PITPNC1: variants seen among roughly 807,000 people sequenced by gnomAD.
PITPNC1 encodes phosphatidylinositol transfer protein cytoplasmic 1, also known as cytoplasmic phosphatidylinositol transfer protein 1.
Under a neutral mutation model 44.7 loss-of-function variants are expected in PITPNC1, and 18 were observed. The observed-to-expected ratio is 0.40, with a 90% CI of 0.28 to 0.60. The LOEUF is 0.60. PITPNC1 is among the 20% of genes least tolerant of loss of function. The pLI, the probability that PITPNC1 is intolerant of heterozygous loss-of-function variation, is 0.39. For missense variants in PITPNC1, 290 were observed against 418.4 expected, an observed-to-expected ratio of 0.69 and a Z score of 2.68; for synonymous variants, 141 against 149.6, an observed-to-expected ratio of 0.94 and a Z score of 0.42.
chr17:67,552,426 A>T, intron 3 of PITPNC1, 81 bp downstream of exon 3: 2 of 811,698 alleles, frequency 2.5e-6, no homozygotes, highest in Non-Finnish European at 4.4e-6. Context: ...TTTACAGTGG[A>T]TTATCCAAGC....
chr17:67,627,387 A>C (rs1244043204), intron 5 of PITPNC1, among the ~76,000 whole-genome samples: 3 of 152,228 alleles, frequency 2.0e-5, no homozygotes, highest in African/African-American at 7.2e-5. Flanking sequence ...CAAGTAAAGG[A>C]GCTTCCTCGT....
At chr17:67,393,960 C>T (rs1330072695) in intron 1 of PITPNC1, among the ~76,000 whole-genome samples, 1 of 152,094 alleles carries the variant, frequency 6.6e-6, no homozygotes, top group East Asian at 1.9e-4. Context: ...GCCTCAGCCT[C>T]GCGAGTAGCT....
At chr17:67,484,255 G>A (rs1375727923) in intron 1 of PITPNC1, among the ~76,000 whole-genome samples, 1 of 152,104 alleles carries the variant, frequency 6.6e-6, no homozygotes, top group Non-Finnish European at 1.5e-5. Context: ...TTTCTTGCCT[G>A]TGAGATGTGC....
chr17:67,599,032 A>ATTTTTTT (rs1185599667), intron 5 of PITPNC1, among the ~76,000 whole-genome samples: 3 of 29,302 alleles, frequency 1.0e-4, no homozygotes, highest in African/African-American at 4.8e-4. Context: ...ATATATATAT[A>ATTTTTTT]TATTTTTTTT....
chr17:67,559,292 G>T (rs2040877278), intron 4 of PITPNC1, among the ~76,000 whole-genome samples: 1 of 152,046 alleles, frequency 6.6e-6, no homozygotes. Flanking sequence ...CTAGGATTGG[G>T]CTTGTTAGGA....
chr17:67,379,154 A>G, intron 1 of PITPNC1: 2 of 985,960 alleles, frequency 2.0e-6, no homozygotes, highest in Non-Finnish European at 2.4e-6. Context: ...GAGGGAGCCC[A>G]AAGCCAAGCA....
chr17:67,571,762 A>T (rs144305986), intron 4 of PITPNC1, among the ~76,000 whole-genome samples: 1 of 152,296 alleles, frequency 6.6e-6, no homozygotes, highest in Non-Finnish European at 1.5e-5. Flanking sequence ...CCAACAAAAG[A>T]ATCTCTGCTT....
chr17:67,679,155 G>A (rs1247139007), intron 8 of PITPNC1, among the ~76,000 whole-genome samples: 12 of 152,326 alleles, frequency 7.9e-5, no homozygotes, highest in East Asian at 3.9e-4. Flanking sequence ...TGTAAGGACC[G>A]TTTAATTGAT....
intron 1 of PITPNC1, among the ~76,000 whole-genome samples, chr17:67,383,790 G>T (rs547228824): frequency 6.6e-6 from 1 of 152,330 alleles, no homozygotes; most frequent in South Asian, 2.1e-4. Flanking sequence ...TGTAATCCCA[G>T]CACTTTGGGA....
At chr17:67,378,933 C>T (rs1035418596) in intron 1 of PITPNC1, 2 of 981,450 alleles carry the variant, frequency 2.0e-6, no homozygotes, top group East Asian at 1.1e-4. Context: ...CCGCGGCTGC[C>T]GGCTGGGGGC....
chr17:67,585,839 G>A (rs1239610597), intron 5 of PITPNC1, among the ~76,000 whole-genome samples: 1 of 152,188 alleles, frequency 6.6e-6, no homozygotes, highest in Non-Finnish European at 1.5e-5. Flanking sequence ...GGTGCAACAC[G>A]TGAAGACGTA....
chr17:67,644,317 C>G (rs1444796418), intron 6 of PITPNC1, among the ~76,000 whole-genome samples: 3 of 151,874 alleles, frequency 2.0e-5, no homozygotes, highest in African/African-American at 7.3e-5. Context: ...ACATTTAAGA[C>G]TTTCAAAGAA....
intron 1 of PITPNC1, among the ~76,000 whole-genome samples, chr17:67,420,392 C>T (rs1242932024): frequency 6.9e-6 from 1 of 144,684 alleles, no homozygotes; most frequent in Non-Finnish European, 1.5e-5. Context: ...CCCCTCCCTC[C>T]CTCCCTCCCT....
rs1045397912 is a variant in PITPNC1 at position 67,676,962 on chromosome 17, T to C, written c.682+1420T>C. On this transcript the variant is annotated intron_variant, in intron 8 of 8. Transcript: ENST00000581322. This position sits in a 1 kb window ranked among gnomAD's most constrained non-coding sequence, Gnocchi z 4.0. ...ACACACCCACAGAATGCCGCTCTCA[T>C]ACCGCAAAAGCACTGGCTTGCCACA... Among the ~76,000 whole-genome samples, 20 of 152,134 alleles carry C rather than the reference T, an allele frequency of 1.3e-4. No homozygotes were observed. The highest frequency in any genetic ancestry group is 1.8e-4 in the Non-Finnish European group (12 of 68,038).
At position 67,430,775 on chromosome 17, in the gene PITPNC1, G is replaced by A. The variant is rs371928015; in HGVS notation, c.48+52573G>A. Among the ~76,000 whole-genome samples the A allele has an allele frequency of 1.7e-3, 252 of 151,416 alleles. 2 individuals carry two copies. The South Asian group carries it at 0.027, about 16-fold the overall frequency. On this transcript the variant is annotated intron_variant, in intron 1 of 8. Transcript: ENST00000581322. ...TCAAGATCAGCCTGGGCAACATAGT[G>A]AGACCCTGTCTCTACCAAAAAAAAA... is the stretch of plus-strand genomic sequence containing the variant.
At chr17:67,426,877 G>C (rs1365829830) in intron 1 of PITPNC1, among the ~76,000 whole-genome samples, 1 of 151,992 alleles carries the variant, frequency 6.6e-6, no homozygotes, top group African/African-American at 2.4e-5. Context: ...TAAATGCTTG[G>C]TAAGAGTATC....
At chr17:67,602,952 G>T (rs1031986220) in intron 5 of PITPNC1, among the ~76,000 whole-genome samples, 4 of 151,878 alleles carry the variant, frequency 2.6e-5, no homozygotes, top group Non-Finnish European at 5.9e-5. Context: ...TGTTTCCCAG[G>T]CTGGTCTCCA....
chr17:67,396,159 G>C (rs1311267514), intron 1 of PITPNC1, among the ~76,000 whole-genome samples: 3 of 152,140 alleles, frequency 2.0e-5, no homozygotes, highest in South Asian at 2.1e-4. Flanking sequence ...GTGTGTGCTT[G>C]TGTGTTTTTA....
intron 2 of PITPNC1, among the ~76,000 whole-genome samples, chr17:67,541,907 A>C (rs997531469): frequency 6.6e-6 from 1 of 152,184 alleles, no homozygotes; most frequent in African/African-American, 2.4e-5. Flanking sequence ...CAAGCACACA[A>C]ACCATCTCAG....
Sources: allele counts gnomAD v4.1 joint callset (sites outside exome capture counted in the v4.1 genomes callset), GRCh38; gene constraint gnomAD v4.1.1; non-coding constraint Gnocchi (gnomAD v3.1); transcripts MANE v1.5; gene names NCBI Gene and HGNC (gene_info 2026-07-23, HGNC 2026-07-21).